The following DPYD variants were observed in gnomAD, a reference collection of about 807,000 sequenced individuals.
DPYD encodes dihydropyrimidine dehydrogenase [NADP(+)].
In DPYD, 109 loss-of-function variants were observed where a neutral mutation model predicts 116.2. That is an observed-to-expected ratio of 0.94 (90% confidence interval 0.80 to 1.10). DPYD has a LOEUF of 1.10. Among genes scored for constraint, DPYD ranks in the 50% least tolerant of loss-of-function variants. The pLI, the probability that DPYD is intolerant of heterozygous loss-of-function variation, is 0.00. For missense variants in DPYD, 1,302 were observed against 1,254.5 expected (o/e 1.04, Z -0.57); for synonymous variants, 440 against 432.0 (o/e 1.02, Z -0.23).
chr1:97,848,680 G>A (rs923004029), intron 2 of DPYD, among the ~76,000 whole-genome samples: 1 of 152,154 alleles, frequency 6.6e-6, no homozygotes, highest in African/African-American at 2.4e-5. Context: ...ATAAAGGAAA[G>A]ATTATGTTGT....
intron 3 of DPYD, among the ~76,000 whole-genome samples, chr1:97,765,846 T>G (rs1286128013): frequency 1.3e-5 from 2 of 152,186 alleles, no homozygotes; most frequent in South Asian, 4.1e-4. Context: ...TGATAATTGA[T>G]GCAAAAGCTA....
In DPYD at chr1:97,828,185, C is replaced by A; in HGVS notation, c.162G>T (p.Lys54Asn). The change falls in exon 3 of 23, where the codon AAG (lysine) becomes AAT (asparagine). Residue 54 changes from lysine to asparagine, a missense_variant. By Grantham distance (94) the Lys-to-Asn change is moderately conservative (BLOSUM62 0). Coordinates refer to ENST00000370192, the MANE Select transcript of DPYD (RefSeq NM_000110.4). ...NPDKNCFNCE[K>N]LENNFDDIKH... ...TGATGTCATCAAAATTATTCTCCAG[C>A]TTCTCACAATTCTGCAACATATTTA... is the stretch of plus-strand genomic sequence containing the variant. 1 of 1,613,312 alleles carries A rather than the reference C, an allele frequency of 6.2e-7. No homozygotes were observed. The highest frequency in any genetic ancestry group is 1.7e-5 in the Admixed American group (1 of 59,986).
chr1:97,741,608 T>C (rs1664274854), intron 3 of DPYD, among the ~76,000 whole-genome samples: 1 of 152,166 alleles, frequency 6.6e-6, no homozygotes, highest in Non-Finnish European at 1.5e-5. Context: ...CTTATGTGTG[T>C]TTTTCTTCAT....
intron 18 of DPYD, among the ~76,000 whole-genome samples, chr1:97,237,173 G>T (rs1661993377): frequency 6.7e-6 from 1 of 149,306 alleles, no homozygotes; most frequent in Admixed American, 6.7e-5. Context: ...CCCAGGAGGT[G>T]GAGGCTGCAG....
At chr1:97,400,102 T>A (rs1673282285) in intron 14 of DPYD, among the ~76,000 whole-genome samples, 1 of 152,182 alleles carries the variant, frequency 6.6e-6, no homozygotes. Context: ...AAGTAGCTCT[T>A]ATTATTTTGA....
chr1:97,147,939 T>C (rs976563185), intron 20 of DPYD, among the ~76,000 whole-genome samples: 1 of 152,162 alleles, frequency 6.6e-6, no homozygotes, highest in African/African-American at 2.4e-5. Flanking sequence ...TTACAAAGTG[T>C]GTGCACTTTG....
chr1:97,159,561 C>T (rs1655733390), intron 20 of DPYD, among the ~76,000 whole-genome samples: 1 of 151,676 alleles, frequency 6.6e-6, no homozygotes, highest in Admixed American at 6.6e-5. Context: ...AAAATAAACC[C>T]ACAAACCATA....
At chr1:97,894,307 T>C (rs1231027672) in intron 1 of DPYD, among the ~76,000 whole-genome samples, 1 of 151,844 alleles carries the variant, frequency 6.6e-6, no homozygotes. Flanking sequence ...TACCCCTAGC[T>C]ACCTTCTAAA....
chr1:97,775,888 T>C (rs552541467), intron 3 of DPYD, among the ~76,000 whole-genome samples: 5 of 152,324 alleles, frequency 3.3e-5, no homozygotes, highest in African/African-American at 1.2e-4. Flanking sequence ...TGTATCTTAA[T>C]TTACATTTAG....
intron 6 of DPYD, among the ~76,000 whole-genome samples, chr1:97,698,536 T>C (rs752713810): frequency 1.3e-5 from 2 of 151,832 alleles, no homozygotes; most frequent in Non-Finnish European, 2.9e-5. Context: ...TTGTTACACA[T>C]AGGGCAGTAG....
chr1:97,261,493 CTTTTTTTTT>C (rs1210765677), intron 18 of DPYD, among the ~76,000 whole-genome samples: 1 of 122,474 alleles, frequency 8.2e-6, no homozygotes, highest in African/African-American at 3.2e-5. Flanking sequence ...GACTATGCAT[CTTTTTTTTT>C]TTTTTTTTTT....
intron 1 of DPYD, among the ~76,000 whole-genome samples, chr1:97,885,969 A>C (rs966616421): frequency 1.2e-4 from 18 of 151,758 alleles, no homozygotes; most frequent in African/African-American, 4.4e-4. Context: ...TCACCTCTGG[A>C]ATGGTAGAGT....
At chr1:97,238,895 T>C (rs1403677087) in intron 18 of DPYD, among the ~76,000 whole-genome samples, 1 of 152,206 alleles carries the variant, frequency 6.6e-6, no homozygotes, top group Non-Finnish European at 1.5e-5. Context: ...GGAATTCAGT[T>C]ACATCAAGCC....
chr1:97,485,854 G>T (rs189747645), intron 13 of DPYD, among the ~76,000 whole-genome samples: 11 of 151,984 alleles, frequency 7.2e-5, no homozygotes, highest in African/African-American at 2.4e-4. Flanking sequence ...TATTTTGTTG[G>T]TATCCTTTAC....
At chr1:97,342,895 G>A (rs1428557846) in intron 16 of DPYD, among the ~76,000 whole-genome samples, 4 of 151,948 alleles carry the variant, frequency 2.6e-5, no homozygotes, top group East Asian at 1.9e-4. Context: ...CCACCACTTT[G>A]AGAAGAACAA....
chr1:97,533,488 G>A (rs545510432), intron 12 of DPYD, among the ~76,000 whole-genome samples: 1 of 152,138 alleles, frequency 6.6e-6, no homozygotes, highest in Non-Finnish European at 1.5e-5. Flanking sequence ...CGGGGCAAAG[G>A]TGGTGATACT....
chr1:97,139,337 T>C (rs1370998949), intron 20 of DPYD, among the ~76,000 whole-genome samples: 1 of 152,138 alleles, frequency 6.6e-6, no homozygotes, highest in Non-Finnish European at 1.5e-5. Context: ...TTTTTTGTTC[T>C]TCTGAGAAAC....
chr1:97,808,561 A>T (rs1263673295), intron 3 of DPYD, among the ~76,000 whole-genome samples: 1 of 152,054 alleles, frequency 6.6e-6, no homozygotes, highest in African/African-American at 2.4e-5. Flanking sequence ...CAATCATGTC[A>T]TCTGTGGACA....
In DPYD at chr1:97,683,862, C is replaced by CG. The variant is rs1408823032; in HGVS notation, c.763-4681dup. 2.6e-5 allele frequency among the ~76,000 whole-genome samples: 4 copies of CG among 151,544 alleles called. No homozygotes were observed. The South Asian group carries it at 6.3e-4, about 24-fold the overall frequency. On this transcript the variant is annotated intron_variant, in intron 7 of 22. Transcript: ENST00000370192. ...CTATCCTACATAACTGTTGTCTACA[C>CG]GGGGGAAAAAAACCTACTTTCTGAA...
Sources: allele counts gnomAD v4.1 joint callset (sites outside exome capture counted in the v4.1 genomes callset), GRCh38; gene constraint gnomAD v4.1.1; transcripts MANE v1.5; gene names NCBI Gene and HGNC (gene_info 2026-07-23, HGNC 2026-07-21).